PCSK5: variants seen among roughly 807,000 people sequenced by gnomAD.
PCSK5 encodes proprotein convertase subtilisin/kexin type 5, also known as prohormone convertase 5.
PCSK5 carries 129 observed loss-of-function variants against 233.2 expected under a neutral mutation model. That is an observed-to-expected ratio of 0.55 (90% CI 0.48 to 0.64). The LOEUF (loss-of-function observed/expected upper bound fraction) is 0.64, where lower values mean the gene tolerates loss of function less well. Ranked by LOEUF, PCSK5 falls within the 30% of genes least tolerant of loss-of-function variation. The pLI is 0.00. For synonymous variants in PCSK5, 825 were observed against 879.2 expected (o/e 0.94, Z 1.09); for missense variants, 2,076 against 2,430.1 (o/e 0.85, Z 3.06).
At chr9:76,189,011 C>A in intron 18 of PCSK5, 83 bp from the exon 19 acceptor site, 3 of 1,204,042 alleles carry the variant, frequency 2.5e-6, no homozygotes, top group South Asian at 1.5e-5. Flanking sequence ...ACGCCATTTT[C>A]TCAAACTGTT....
At chr9:75,973,807 T>C (rs1351756745) in intron 2 of PCSK5, among the ~76,000 whole-genome samples, 1 of 152,194 alleles carries the variant, frequency 6.6e-6, no homozygotes, top group East Asian at 1.9e-4. Context: ...CCAACTCTCA[T>C]TTTAGTGCTA....
intron 16 of PCSK5, among the ~76,000 whole-genome samples, chr9:76,183,387 C>T (rs1009783210): frequency 2.6e-5 from 4 of 152,206 alleles, no homozygotes; most frequent in Admixed American, 6.5e-5. Context: ...ATGATGATCA[C>T]ATATGATAAT....
chr9:76,327,820 A>C lies in PCSK5; in HGVS notation c.4340-189A>C, dbSNP rs539819533. ...AAATAATAATTTTCTCTCATTTTGC[A>C]AAAGAATGGTCCACCCCAGAGCTCA... On this transcript the variant is annotated intron_variant, in intron 32 of 37. Coordinates refer to ENST00000674117, the MANE Select transcript of PCSK5 (RefSeq NM_001372043.1). Among the ~76,000 whole-genome samples, 152 of 152,320 alleles carry C rather than the reference A, an allele frequency of 1.0e-3. 1 individual carries two copies. Among genetic ancestry groups the C allele is most frequent in the African/African-American group, 3.6e-3 (148 of 41,580 alleles).
At chr9:76,058,515 T>C (rs1829907731) in intron 5 of PCSK5, among the ~76,000 whole-genome samples, 1 of 152,220 alleles carries the variant, frequency 6.6e-6, no homozygotes, top group Non-Finnish European at 1.5e-5. Flanking sequence ...GATTTACACC[T>C]GTAATTCCTA....
intron 5 of PCSK5, among the ~76,000 whole-genome samples, chr9:76,054,042 G>C (rs958513956): frequency 2.0e-5 from 3 of 152,210 alleles, no homozygotes; most frequent in African/African-American, 7.2e-5. Context: ...GCAAAGGAAT[G>C]TCTTACATGG....
In PCSK5 at chr9:76,321,571, C is replaced by T. The variant is rs1374331772; in HGVS notation, c.4034C>T (p.Ala1345Val). 5 of 1,612,536 alleles carry T rather than the reference C, an allele frequency of 3.1e-6. No individual in the cohort carries two copies. In the African/African-American group the frequency reaches 5.3e-5, roughly 17 times the overall value. Residue 1345 changes from alanine to valine, a missense_variant, in exon 31 of 38, where the codon GCT becomes GTT. By Grantham distance (64) the Ala-to-Val change is moderately conservative (BLOSUM62 0). Around this residue, in one of 6 missense-constraint regions of PCSK5, gnomAD observed 1,510 missense variants for 1,538.1 expected, o/e 0.98. Coordinates refer to ENST00000674117, the MANE Select transcript of PCSK5 (RefSeq NM_001372043.1). The part of the protein sequence containing the change: ...CQENCPERHV[A>V]VKGVCKHCPE... Reference sequence around the variant, plus strand: ...GAAAACTGCCCCGAGAGGCACGTGGCTGTGAAGGGGGTATGCAAGCATTGC... The same window carrying T: ...GAAAACTGCCCCGAGAGGCACGTGGTTGTGAAGGGGGTATGCAAGCATTGC...
intron 36 of PCSK5, among the ~76,000 whole-genome samples, chr9:76,352,443 A>C (rs1447570223): frequency 1.3e-5 from 2 of 152,204 alleles, no homozygotes; most frequent in African/African-American, 2.4e-5. Flanking sequence ...CTAGGAATGT[A>C]GCTCAGTAAG....
At chr9:75,907,011 A>G (rs1471098617) in intron 1 of PCSK5, among the ~76,000 whole-genome samples, 2 of 152,148 alleles carry the variant, frequency 1.3e-5, no homozygotes, top group African/African-American at 2.4e-5. Context: ...ACTCTTGTCT[A>G]TGGCCATACT....
At position 76,157,130 on chromosome 9, in the gene PCSK5, C is replaced by A; in HGVS notation, c.1398C>A (p.His466Gln). Reference sequence around the variant, plus strand: ...AGTGGACCACCGTTCCCCGGCAGCACGTGTGTGTGGAGAGCACAGACCGAC... The same window carrying A: ...AGTGGACCACCGTTCCCCGGCAGCAAGTGTGTGTGGAGAGCACAGACCGAC... Reference protein sequence around the residue: ...AEKWTTVPRQHVCVESTDRQI... With the variant: ...AEKWTTVPRQQVCVESTDRQI... The change falls in exon 11 of 38, where the codon CAC (histidine) becomes CAA (glutamine). Residue 466 changes from histidine (H) to glutamine (Q), a missense_variant. Transcript: ENST00000674117. 1 of 1,613,320 alleles carries A rather than the reference C, an allele frequency of 6.2e-7. No individual in the cohort carries two copies. The highest frequency in any genetic ancestry group is 8.5e-7 in the Non-Finnish European group (1 of 1,179,672).
intron 21 of PCSK5, 36 bp downstream of exon 21, chr9:76,227,641 C>A: frequency 7.4e-7 from 1 of 1,355,022 alleles, no homozygotes; most frequent in Non-Finnish European, 1.0e-6. Context: ...GTGGTGTGAG[C>A]TCATGGATTG....
chr9:76,229,158 T>C (rs971388213), intron 21 of PCSK5, among the ~76,000 whole-genome samples: 8 of 152,234 alleles, frequency 5.3e-5, no homozygotes, highest in African/African-American at 1.9e-4. Flanking sequence ...CCTCTAAATA[T>C]TGAATTTGCT....
chr9:76,356,751 A>T (rs1830313235), intron 37 of PCSK5, among the ~76,000 whole-genome samples: 1 of 152,212 alleles, frequency 6.6e-6, no homozygotes, highest in African/African-American at 2.4e-5. Context: ...CATAGTCATG[A>T]TGTATCAGAT....
At chr9:75,977,907 G>A (rs956791098) in intron 2 of PCSK5, among the ~76,000 whole-genome samples, 1 of 152,064 alleles carries the variant, frequency 6.6e-6, no homozygotes, top group African/African-American at 2.4e-5. Context: ...CACCGCGCCC[G>A]GCCAAGAGTG....
chr9:76,043,256 T>A (rs2792225), intron 5 of PCSK5, among the ~76,000 whole-genome samples: 69,138 of 147,732 alleles, frequency 0.47, 17,240 homozygotes, highest in Admixed American at 0.62. Context: ...GAATGGCGTG[T>A]ACCCGGGAGG....
At chr9:75,989,792 T>C (rs1826686917) in intron 3 of PCSK5, among the ~76,000 whole-genome samples, 1 of 152,180 alleles carries the variant, frequency 6.6e-6, no homozygotes, top group South Asian at 2.1e-4. Flanking sequence ...TTATGACATC[T>C]AACCTCAGAA....
chr9:76,178,275 T>C (rs1008843922), intron 14 of PCSK5, among the ~76,000 whole-genome samples: 11 of 152,328 alleles, frequency 7.2e-5, no homozygotes, highest in African/African-American at 2.6e-4. Context: ...TAAGCAGTGC[T>C]GTCAAATGAC....
intron 20 of PCSK5, chr9:76,194,838 A>T (rs534484600): frequency 4.6e-6 from 2 of 436,162 alleles, no homozygotes; most frequent in Admixed American, 2.7e-5. Flanking sequence ...GCCATCTTGC[A>T]GGCTTCATGC....
intron 10 of PCSK5, among the ~76,000 whole-genome samples, chr9:76,143,854 C>A (rs934897900): frequency 2.6e-5 from 4 of 151,852 alleles, no homozygotes; most frequent in Non-Finnish European, 5.9e-5. Context: ...CTTTGAGAAG[C>A]CTTCACATAT....
chr9:76,189,022 AAAG>A, intron 18 of PCSK5, 69 bp from the exon 19 acceptor site: 2 of 1,366,864 alleles, frequency 1.5e-6, no homozygotes, highest in Non-Finnish European at 2.0e-6. Flanking sequence ...TCAAACTGTT[AAAG>A]AAGAAGCCCA....
Sources: allele counts gnomAD v4.1 joint callset (sites outside exome capture counted in the v4.1 genomes callset), GRCh38; gene constraint gnomAD v4.1.1; regional missense constraint gnomAD v4.1.1; transcripts MANE v1.5; gene names NCBI Gene and HGNC (gene_info 2026-07-23, HGNC 2026-07-21).